CLSTN2: variants seen among roughly 807,000 people sequenced by gnomAD.
The protein encoded by CLSTN2 is calsyntenin 2.
In CLSTN2, 48 loss-of-function variants were observed where a neutral mutation model predicts 101.2. That is an observed-to-expected ratio of 0.47 (90% confidence interval 0.38 to 0.60). CLSTN2 has a LOEUF of 0.60. CLSTN2 is among the 20% of genes least tolerant of loss of function. CLSTN2 has a pLI of 0.00. For synonymous variants in CLSTN2, 481 were observed against 463.6 expected (o/e 1.04, Z -0.48); for missense variants, 1,160 against 1,238.2 (o/e 0.94, Z 0.95).
chr3:140,472,529 G>A (rs1933872642), intron 8 of CLSTN2, among the ~76,000 whole-genome samples: 1 of 152,180 alleles, frequency 6.6e-6, no homozygotes, highest in South Asian at 2.1e-4. Context: ...ATTGGGCATT[G>A]TCAGCACTCT....
intron 2 of CLSTN2, among the ~76,000 whole-genome samples, chr3:140,235,261 A>G (rs1038690043): frequency 1.3e-5 from 2 of 152,088 alleles, no homozygotes; most frequent in Non-Finnish European, 2.9e-5. Context: ...AAGATAGTAG[A>G]TTCTCTCCCC....
chr3:140,053,813 G>T (rs1200711765), intron 1 of CLSTN2, among the ~76,000 whole-genome samples: 3 of 152,200 alleles, frequency 2.0e-5, no homozygotes, highest in African/African-American at 4.8e-5. Flanking sequence ...ATCTCAGGGG[G>T]TTATTGTGGA....
intron 7 of CLSTN2, among the ~76,000 whole-genome samples, chr3:140,463,556 C>T (rs1933614669): frequency 6.6e-6 from 1 of 152,204 alleles, no homozygotes; most frequent in Non-Finnish European, 1.5e-5. Context: ...GCTGCAAACA[C>T]TCTTAAGTCT....
chr3:140,502,429 T>C lies in CLSTN2; in HGVS notation c.1345-29895T>C, dbSNP rs567897351. Among the ~76,000 whole-genome samples the C allele has an allele frequency of 4.6e-5, 7 of 152,286 alleles. No homozygotes were observed. The South Asian group carries it at 1.0e-3, about 23-fold the overall frequency. On this transcript the variant is annotated intron_variant, in intron 8 of 16. Coordinates refer to ENST00000458420, the MANE Select transcript of CLSTN2 (RefSeq NM_022131.3). ...AGGAATTGAGCCCTTATTAAACAGC[T>C]TGGGGAGTCTTAGGCATGCAGAAGC...
At chr3:140,259,417 T>A (rs2086631197) in intron 2 of CLSTN2, among the ~76,000 whole-genome samples, 1 of 152,116 alleles carries the variant, frequency 6.6e-6, no homozygotes, top group Admixed American at 6.6e-5. Context: ...GAGGTTGCAA[T>A]GAGCTGAGAT....
At chr3:140,199,687 C>G (rs1299728946) in intron 2 of CLSTN2, among the ~76,000 whole-genome samples, 1 of 152,202 alleles carries the variant, frequency 6.6e-6, no homozygotes, top group African/African-American at 2.4e-5. Flanking sequence ...ATACAGCTGG[C>G]CTTCCCAGAA....
chr3:140,567,860 A>C lies in CLSTN2; in HGVS notation c.*1607A>C, dbSNP rs1024759397. On this transcript the variant is annotated 3_prime_UTR_variant, in exon 17 of 17. Transcript: ENST00000458420. ...ACAGCTTAAGAAGGGGACTACTGCC[A>C]ATGTCCTCTAGTCTGACCTCCACCC... 1 of 152,214 alleles carries C rather than the reference A, an allele frequency of 6.6e-6. No homozygotes were observed. The highest frequency in any genetic ancestry group is 6.5e-5 in the Admixed American group (1 of 15,286). The allele number at this position is 152,214 out of a possible 1,614,324, so 9.4% of individuals were successfully genotyped here. A position where few individuals can be genotyped will look rare whatever the true frequency, so the allele number is the denominator to read the frequency against.
At chr3:140,168,723 A>G (rs889094390) in intron 1 of CLSTN2, among the ~76,000 whole-genome samples, 2 of 152,116 alleles carry the variant, frequency 1.3e-5, no homozygotes, top group Admixed American at 1.3e-4. Flanking sequence ...ATAGATATTC[A>G]TTTTTTCTCT....
intron 2 of CLSTN2, among the ~76,000 whole-genome samples, chr3:140,228,562 C>A (rs2086343181): frequency 6.6e-6 from 1 of 152,188 alleles, no homozygotes; most frequent in South Asian, 2.1e-4. Context: ...GGTATCTTTT[C>A]AGCAGCACCC....
intron 2 of CLSTN2, among the ~76,000 whole-genome samples, chr3:140,331,778 G>C (rs534494709): frequency 3.4e-4 from 51 of 152,184 alleles, no homozygotes; most frequent in African/African-American, 1.2e-3. Flanking sequence ...TCTGCCTTTG[G>C]CTAATGCTGA....
chr3:139,973,974 T>C (rs901273083), intron 1 of CLSTN2, among the ~76,000 whole-genome samples: 17 of 152,178 alleles, frequency 1.1e-4, no homozygotes, highest in African/African-American at 4.1e-4. Context: ...TTGCCCACCC[T>C]GGCACAGTTC....
intron 2 of CLSTN2, among the ~76,000 whole-genome samples, chr3:140,281,504 C>A (rs1037517020): frequency 6.6e-6 from 1 of 152,174 alleles, no homozygotes; most frequent in Non-Finnish European, 1.5e-5. Context: ...GCTATTTTGC[C>A]TGTGTCTTTT....
chr3:140,377,749 CTAAGGTTAA>C (rs1444754034), intron 2 of CLSTN2, among the ~76,000 whole-genome samples: 1 of 152,052 alleles, frequency 6.6e-6, no homozygotes, highest in Non-Finnish European at 1.5e-5. Flanking sequence ...AAGTTATTCA[CTAAGGTTAA>C]TTTATTATTC....
At chr3:140,061,384 C>A (rs1393900194) in intron 1 of CLSTN2, among the ~76,000 whole-genome samples, 1 of 152,230 alleles carries the variant, frequency 6.6e-6, no homozygotes, top group Non-Finnish European at 1.5e-5. Context: ...GTACTGCAGT[C>A]TCAATTTGCC....
chr3:139,969,941 C>T (rs62271927), intron 1 of CLSTN2, among the ~76,000 whole-genome samples: 1,564 of 152,220 alleles, frequency 0.01, 11 homozygotes, highest in Non-Finnish European at 0.017. Flanking sequence ...AGTTAGGTAC[C>T]TACAGAGTGA....
At chr3:140,234,060 G>A (rs182717953) in intron 2 of CLSTN2, among the ~76,000 whole-genome samples, 1 of 152,270 alleles carries the variant, frequency 6.6e-6, no homozygotes, top group African/African-American at 2.4e-5. Flanking sequence ...GCTGATACCT[G>A]CTCTAGAGCT....
At chr3:140,427,860 T>C (rs562043911) in intron 5 of CLSTN2, among the ~76,000 whole-genome samples, 1 of 152,314 alleles carries the variant, frequency 6.6e-6, no homozygotes, top group East Asian at 1.9e-4. Flanking sequence ...ACCTGAGCAC[T>C]ATACAGTGAA....
At chr3:140,349,327 A>C (rs1028746960) in intron 2 of CLSTN2, among the ~76,000 whole-genome samples, 3 of 152,160 alleles carry the variant, frequency 2.0e-5, no homozygotes, top group Non-Finnish European at 2.9e-5. Context: ...ACTATGGTTG[A>C]CTGTTTTCTT....
intron 2 of CLSTN2, among the ~76,000 whole-genome samples, chr3:140,335,582 G>A (rs1053305349): frequency 6.6e-6 from 1 of 150,970 alleles, no homozygotes; most frequent in African/African-American, 2.5e-5. Flanking sequence ...AATATCCTAA[G>A]ACATAAAAGA....
Sources: gnomAD v4.1 joint callset for allele counts (sites outside exome capture counted in the v4.1 genomes callset) on GRCh38, gnomAD v4.1.1 for gene constraint, MANE v1.5 for transcripts, NCBI Gene and HGNC (gene_info 2026-07-23, HGNC 2026-07-21) for gene names.